LPP: variants seen among roughly 807,000 people sequenced by gnomAD.
LPP encodes LIM domain containing preferred translocation partner in lipoma, also known as lipoma-preferred partner.
LPP carries 38 observed loss-of-function variants against 60.4 expected under a neutral mutation model. The ratio of observed to expected loss-of-function variants is 0.63; its 90% CI spans 0.49 to 0.83. The LOEUF is 0.83. Ranked by LOEUF, LPP falls within the 40% of genes least tolerant of loss-of-function variation. The probability of loss-of-function intolerance (pLI) is 0.00; values close to 1 mark genes in which losing one functional copy is unlikely to be tolerated. For missense variants in LPP, 902 were observed against 783.6 expected (o/e 1.15, Z -1.80); for synonymous variants, 328 against 290.8 (o/e 1.13, Z -1.30).
At chr3:188,741,174 G>GA (rs564780962) in intron 8 of LPP, among the ~76,000 whole-genome samples, 11,986 of 139,788 alleles carry the variant, frequency 0.086, 455 homozygotes, top group African/African-American at 0.11. Flanking sequence ...TGAAATTTAT[G>GA]AAAAAAAAAA....
intron 6 of LPP, among the ~76,000 whole-genome samples, chr3:188,548,313 G>A (rs759811678): frequency 2.5e-4 from 38 of 152,134 alleles, no homozygotes; most frequent in Non-Finnish European, 4.4e-4. Context: ...TCTCCTCACC[G>A]TCTGATTAAA....
intron 8 of LPP, among the ~76,000 whole-genome samples, chr3:188,733,290 CGT>C (rs10576864): frequency 0.4 from 59,076 of 146,974 alleles, 13,344 homozygotes; most frequent in East Asian, 0.77. Flanking sequence ...TCACCAAAAA[CGT>C]GTGTGTGTGT....
chr3:188,698,279 A>T (rs1863700233), intron 7 of LPP, among the ~76,000 whole-genome samples: 1 of 152,148 alleles, frequency 6.6e-6, no homozygotes, highest in Non-Finnish European at 1.5e-5. Flanking sequence ...CATTCTATTC[A>T]TCAAACTTTT....
intron 10 of LPP, among the ~76,000 whole-genome samples, chr3:188,870,253 C>A (rs1767766044): frequency 6.6e-6 from 1 of 152,016 alleles, no homozygotes; most frequent in Non-Finnish European, 1.5e-5. Context: ...AATAGAAATA[C>A]TGCAGAAATA....
intron 1 of LPP, among the ~76,000 whole-genome samples, chr3:188,214,949 T>A (rs1177514286): frequency 2.0e-5 from 3 of 152,212 alleles, no homozygotes. Flanking sequence ...AACTATTTTT[T>A]AAAATATTAT....
In LPP at chr3:188,609,865, A is replaced by G; in HGVS notation, c.1113+21A>G. On this transcript the variant is annotated intron_variant, in intron 7 of 11. Transcript: ENST00000617246. The surrounding 1 kb of genome is among the most constrained non-coding windows in gnomAD (Gnocchi z 6.9). ...CAAAGGTAAGAAACTCAGTAACATA[A>G]GGAGGAGAATACAGGGGTGCCTATC... 1.3e-6 allele frequency: 2 copies of G among 1,594,230 alleles called. No homozygotes were observed. Among genetic ancestry groups the G allele is most frequent in the Non-Finnish European group, 1.7e-6 (2 of 1,171,040 alleles).
intron 7 of LPP, among the ~76,000 whole-genome samples, chr3:188,663,365 G>T (rs1269661795): frequency 6.6e-6 from 1 of 152,196 alleles, no homozygotes; most frequent in African/African-American, 2.4e-5. Flanking sequence ...AAGATCTCAA[G>T]CTGTTAGGTA....
chr3:188,165,344 A>C (rs371952257), intron 1 of LPP, among the ~76,000 whole-genome samples: 5 of 151,986 alleles, frequency 3.3e-5, no homozygotes, highest in Non-Finnish European at 1.5e-5. Context: ...GGAAACTCAG[A>C]TAAAGAGATT....
intron 7 of LPP, among the ~76,000 whole-genome samples, chr3:188,658,324 T>A (rs898472093): frequency 1.3e-5 from 2 of 152,118 alleles, no homozygotes; most frequent in African/African-American, 4.8e-5. Context: ...TTTTGTATTT[T>A]TAGTAGAGAT....
At chr3:188,731,516 T>TTTTTGTTG (rs1553817765) in intron 8 of LPP, among the ~76,000 whole-genome samples, 1 of 145,700 alleles carries the variant, frequency 6.9e-6, no homozygotes, top group African/African-American at 2.6e-5. Flanking sequence ...TTTTTTGTTT[T>TTTTTGTTG]TTTTGTTTTG....
chr3:188,400,385 T>G (rs1781963504), intron 3 of LPP, among the ~76,000 whole-genome samples: 2 of 152,158 alleles, frequency 1.3e-5, no homozygotes, highest in South Asian at 4.1e-4. Flanking sequence ...ACTTTCTTGA[T>G]TTGCTAGATG....
intron 1 of LPP, among the ~76,000 whole-genome samples, chr3:188,219,046 C>T (rs2149269700): frequency 6.6e-6 from 1 of 150,390 alleles, no homozygotes; most frequent in African/African-American, 2.4e-5. Flanking sequence ...TTTATACTAC[C>T]CTTTCAACAT....
At chr3:188,834,509 A>G (rs374421301) in intron 9 of LPP, among the ~76,000 whole-genome samples, 19 of 151,990 alleles carry the variant, frequency 1.3e-4, no homozygotes, top group African/African-American at 4.1e-4. Context: ...CCCACCAAGG[A>G]AGTTGCCTGC....
At position 188,703,195 on chromosome 3, in the gene LPP, A is replaced by G. The variant is rs141600220; in HGVS notation, c.1114-5072A>G. On this transcript the variant is annotated intron_variant, in intron 7 of 11. Transcript: ENST00000617246. Reference sequence around the variant, plus strand: ...CAACTCACACTTCTACTTCTGAAGAAACGAGAAACAAAAATAACACAAACT... The same window carrying G: ...CAACTCACACTTCTACTTCTGAAGAGACGAGAAACAAAAATAACACAAACT... Among the ~76,000 whole-genome samples, 14 of 152,344 alleles carry G rather than the reference A, an allele frequency of 9.2e-5. No homozygotes were observed. The East Asian group carries it at 2.7e-3, about 29-fold the overall frequency.
chr3:188,755,002 G>T (rs1401679927), intron 8 of LPP, among the ~76,000 whole-genome samples: 1 of 152,128 alleles, frequency 6.6e-6, no homozygotes, highest in Non-Finnish European at 1.5e-5. Flanking sequence ...TTGTTTCTAG[G>T]AATATGTTGC....
intron 7 of LPP, among the ~76,000 whole-genome samples, chr3:188,636,499 A>C (rs1394866774): frequency 1.3e-5 from 2 of 152,332 alleles, no homozygotes; most frequent in South Asian, 4.1e-4. Flanking sequence ...ACCATTGCCC[A>C]GACTTGCTTA....
At chr3:188,380,222 CTGTTA>C (rs1776491651) in intron 3 of LPP, among the ~76,000 whole-genome samples, 1 of 152,166 alleles carries the variant, frequency 6.6e-6, no homozygotes, top group Non-Finnish European at 1.5e-5. Flanking sequence ...GATTTGTTTT[CTGTTA>C]TAATTATTTT....
intron 9 of LPP, among the ~76,000 whole-genome samples, chr3:188,782,374 T>C (rs1740081471): frequency 6.6e-6 from 1 of 152,192 alleles, no homozygotes; most frequent in Admixed American, 6.5e-5. Flanking sequence ...ACCCAGATCC[T>C]GCTACTTCCT....
intron 4 of LPP, chr3:188,472,901 T>C (rs1261305644): frequency 6.6e-6 from 1 of 152,222 alleles, no homozygotes; most frequent in African/African-American, 2.4e-5. Context: ...TTTCTCACCA[T>C]TCCCAAGAAG....
Sources: gnomAD v4.1 joint callset for allele counts (sites outside exome capture counted in the v4.1 genomes callset) on GRCh38, gnomAD v4.1.1 for gene constraint, Gnocchi (gnomAD v3.1) non-coding constraint, MANE v1.5 for transcripts, NCBI Gene and HGNC (gene_info 2026-07-23, HGNC 2026-07-21) for gene names.